The following TTC23L variants were observed in gnomAD, a reference collection of about 807,000 sequenced individuals.
TTC23L encodes tetratricopeptide repeat domain 23 like.
TTC23L carries 42 observed loss-of-function variants against 48.1 expected under a neutral mutation model. That is an observed-to-expected ratio of 0.87 (90% confidence interval 0.68 to 1.13). TTC23L has a LOEUF of 1.13. Ranked by LOEUF, TTC23L falls within the 50% of genes most tolerant of loss-of-function variation. TTC23L has a pLI of 0.00. For synonymous variants in TTC23L, 159 were observed against 157.2 expected (o/e 1.01, Z -0.09); for missense variants, 391 against 421.0 (o/e 0.93, Z 0.62).
the TTC23L span, chr5:34,923,208 A>C: frequency 6.2e-7 from 1 of 1,613,640 alleles, no homozygotes; most frequent in South Asian, 1.1e-5. Flanking sequence ...CATTTTGGAT[A>C]ATAGGATATG....
chr5:34,868,842 A>G (rs1200664755), intron 7 of TTC23L, 63 bp from the exon 8 acceptor site: 1 of 1,438,936 alleles, frequency 6.9e-7, no homozygotes, highest in Admixed American at 2.0e-5. Context: ...CTCACCTCTC[A>G]TCTAAATCCA....
intron 4 of TTC23L, among the ~76,000 whole-genome samples, chr5:34,861,789 C>T (rs1760682307): frequency 1.3e-5 from 2 of 152,160 alleles, no homozygotes; most frequent in South Asian, 2.1e-4. Context: ...GCACAGTGGC[C>T]TACTTGGCAG....
chr5:34,844,208 G>C (rs1758921300), intron 2 of TTC23L, among the ~76,000 whole-genome samples: 1 of 152,164 alleles, frequency 6.6e-6, no homozygotes, highest in South Asian at 2.1e-4. Context: ...AAATTAGCTT[G>C]TCTACTGAAA....
At chr5:34,923,743 GT>G in the TTC23L span, among the ~76,000 whole-genome samples, 1 of 152,158 alleles carries the variant, frequency 6.6e-6, no homozygotes, top group African/African-American at 2.4e-5. Flanking sequence ...GATATACAGG[GT>G]TTGCATACAC....
At chr5:34,880,159 A>G (rs1762125531) in intron 8 of TTC23L, 22 bp from the exon 9 acceptor site, 1 of 1,598,864 alleles carries the variant, frequency 6.3e-7, no homozygotes, top group African/African-American at 1.4e-5. Flanking sequence ...CTTGCCTTAA[A>G]TAATTGTTTC....
the TTC23L span, chr5:34,915,503 G>A: frequency 2.6e-4 from 120 of 460,146 alleles, 2 homozygotes; most frequent in South Asian, 4.2e-3. Flanking sequence ...CGCGGAGGAA[G>A]TGAAGCCAGT....
At chr5:34,839,558 T>G in intron 1 of TTC23L, 1 of 874,656 alleles carries the variant, frequency 1.1e-6, no homozygotes, top group Non-Finnish European at 1.4e-6. Flanking sequence ...AGATCAGAAC[T>G]CTTTGCTGTG....
intron 3 of TTC23L, among the ~76,000 whole-genome samples, chr5:34,849,814 G>C (rs1278922287): frequency 6.6e-6 from 1 of 152,146 alleles, no homozygotes; most frequent in Non-Finnish European, 1.5e-5. Context: ...CATTTTTCAT[G>C]CTGTCTGTTT....
chr5:34,892,222 C>A (rs1361781056), intron 9 of TTC23L, among the ~76,000 whole-genome samples: 1 of 152,212 alleles, frequency 6.6e-6, no homozygotes, highest in Non-Finnish European at 1.5e-5. Context: ...CTCACCTCTT[C>A]CGGAAACTCG....
At chr5:34,922,851 T>A in the TTC23L span, 4 of 1,373,992 alleles carry the variant, frequency 2.9e-6, no homozygotes, top group Admixed American at 7.2e-5. Flanking sequence ...GTTATTCAAT[T>A]TAGTTTCACC....
chr5:34,913,513 G>A, the TTC23L span: 1 of 1,603,632 alleles, frequency 6.2e-7, no homozygotes, highest in Non-Finnish European at 8.5e-7. Flanking sequence ...AGTCTAAAAG[G>A]ACAGTTAAAT....
At chr5:34,886,769 T>G (rs1762570997) in intron 9 of TTC23L, among the ~76,000 whole-genome samples, 1 of 152,194 alleles carries the variant, frequency 6.6e-6, no homozygotes, top group Non-Finnish European at 1.5e-5. Flanking sequence ...TTTAGTTGAG[T>G]CCCTATCTGG....
chr5:34,922,801 T>A, the TTC23L span: 1 of 1,573,204 alleles, frequency 6.4e-7, no homozygotes, highest in Non-Finnish European at 8.7e-7. Flanking sequence ...GAGGTCTAAT[T>A]TTCTTATCTG....
the TTC23L span, chr5:34,911,632 A>G: frequency 6.2e-7 from 1 of 1,614,158 alleles, no homozygotes; most frequent in Non-Finnish European, 8.5e-7. Flanking sequence ...TGCTTCACGG[A>G]GCCCCTCTGA....
chr5:34,892,505 C>G (rs1762934674), intron 9 of TTC23L, among the ~76,000 whole-genome samples: 1 of 152,052 alleles, frequency 6.6e-6, no homozygotes, highest in Non-Finnish European at 1.5e-5. Flanking sequence ...ACTAGAAATA[C>G]TAGTATGTTT....
chr5:34,842,291 G>A (rs1170881251), intron 2 of TTC23L, among the ~76,000 whole-genome samples: 1 of 151,598 alleles, frequency 6.6e-6, no homozygotes, highest in Non-Finnish European at 1.5e-5. Context: ...ATTCAGACCA[G>A]CAATATTTCA....
chr5:34,890,591 A>G (rs1762808438), intron 9 of TTC23L, among the ~76,000 whole-genome samples: 1 of 152,116 alleles, frequency 6.6e-6, no homozygotes, highest in African/African-American at 2.4e-5. Flanking sequence ...GAGTATACGT[A>G]TGAGGATACC....
At chr5:34,914,623 G>A in the TTC23L span, 6 of 1,486,564 alleles carry the variant, frequency 4.0e-6, no homozygotes, top group Admixed American at 3.4e-5. Context: ...TTTGTCTACT[G>A]AAACCTTCCG....
At chr5:34,925,251 C>T in the TTC23L span, 6 of 1,605,110 alleles carry the variant, frequency 3.7e-6, no homozygotes, top group Admixed American at 5.1e-5. Context: ...AGATCCATCA[C>T]AGCTGCAAAA....
Sources: allele counts gnomAD v4.1 joint callset (sites outside exome capture counted in the v4.1 genomes callset), GRCh38; gene constraint gnomAD v4.1.1; transcripts MANE v1.5; gene names NCBI Gene and HGNC (gene_info 2026-07-23, HGNC 2026-07-21).